The following AK4 variants were observed in gnomAD, a reference collection of about 807,000 sequenced individuals.
The protein encoded by AK4 is adenylate kinase 4, mitochondrial.
In AK4, 13 loss-of-function variants were observed where a neutral mutation model predicts 24.6. The observed-to-expected ratio is 0.53, with a 90% CI of 0.34 to 0.84. The LOEUF (loss-of-function observed/expected upper bound fraction) is 0.84, where lower values mean the gene tolerates loss of function less well. Among genes scored for constraint, AK4 ranks in the 40% least tolerant of loss-of-function variants. The pLI, the probability that AK4 is intolerant of heterozygous loss-of-function variation, is 0.01. For synonymous variants in AK4, 88 were observed against 107.0 expected (o/e 0.82, Z 1.10); for missense variants, 192 against 288.2 (o/e 0.67, Z 2.42).
chr1:65,173,929 G>A (rs529047267), intron 1 of AK4, among the ~76,000 whole-genome samples: 31 of 152,006 alleles, frequency 2.0e-4, no homozygotes, highest in African/African-American at 6.8e-4. Context: ...GGGGATTAGA[G>A]TCTGGCACAA....
In AK4 at chr1:65,179,385, G is replaced by A. The variant is rs567791934; in HGVS notation, c.146-11325G>A. Among the ~76,000 whole-genome samples, 18 of 152,320 alleles carry A rather than the reference G, an allele frequency of 1.2e-4. No individual in the cohort carries two copies. The South Asian group carries it at 3.5e-3, about 30-fold the overall frequency. Reference sequence around the variant, plus strand: ...TAAGAAAATGGACTGGGGCCAACTTGCTTGAAGTTGAGTCTGGGCTGTATG... The same window carrying A: ...TAAGAAAATGGACTGGGGCCAACTTACTTGAAGTTGAGTCTGGGCTGTATG... On this transcript the variant is annotated intron_variant, in intron 1 of 4. Transcript: ENST00000327299.
At chr1:65,187,313 A>C in intron 1 of AK4, among the ~76,000 whole-genome samples, 1 of 142,250 alleles carries the variant, frequency 7.0e-6, no homozygotes, top group African/African-American at 2.7e-5. Context: ...GCGCCACTGC[A>C]CTCCAGCGTG....
chr1:65,205,075 C>T (rs966621009), intron 2 of AK4, among the ~76,000 whole-genome samples: 2 of 151,946 alleles, frequency 1.3e-5, no homozygotes, highest in Non-Finnish European at 2.9e-5. Context: ...ATATTTTTTT[C>T]GTCCCTCCCT....
chr1:65,154,595 GC>G, intron 1 of AK4: 1 of 512,214 alleles, frequency 2.0e-6, no homozygotes, highest in Non-Finnish European at 3.9e-6. Flanking sequence ...CTCAATACGT[GC>G]TGCCAGTGTT....
chr1:65,194,981 T>C (rs1557456642), intron 2 of AK4, among the ~76,000 whole-genome samples: 1 of 152,222 alleles, frequency 6.6e-6, no homozygotes, highest in Non-Finnish European at 1.5e-5. Context: ...TTGGTATCCA[T>C]TTTTTGTCTT....
chr1:65,206,114 T>G (rs1160661629), intron 2 of AK4, among the ~76,000 whole-genome samples: 1 of 152,184 alleles, frequency 6.6e-6, no homozygotes, highest in African/African-American at 2.4e-5. Flanking sequence ...TAATGTGACA[T>G]TATGTATTTA....
At chr1:65,171,025 A>G (rs1197435183) in intron 1 of AK4, among the ~76,000 whole-genome samples, 1 of 140,676 alleles carries the variant, frequency 7.1e-6, no homozygotes, top group African/African-American at 2.7e-5. Context: ...TGGCACGATC[A>G]TGGCTTACTG....
At chr1:65,147,715 C>G (rs1204035785), upstream of AK4, 1 of 151,822 alleles carries the variant, frequency 6.6e-6, no homozygotes, top group Non-Finnish European at 1.5e-5. Context: ...GGCTCGGGCT[C>G]GTCGCGCGCC....
rs1652407845 is a variant in AK4, at chr1:65,224,888, T to A, written c.557+18T>A. ...TTATACAAGTGAGTGTGCTTCAATA[T>A]TTTCATGACAAAGGACAGACTGGAA... On this transcript the variant is annotated intron_variant, in intron 4 of 4. Transcript: ENST00000327299. The A allele has an allele frequency of 1.3e-6, 2 of 1,589,402 alleles. No homozygotes were observed. The highest frequency in any genetic ancestry group is 1.3e-5 in the African/African-American group (1 of 74,466).
rs1652603428 is a variant in AK4, at chr1:65,230,328, A to C, written c.*4151A>C. 1 of 152,176 alleles carries C rather than the reference A, an allele frequency of 6.6e-6. No homozygotes were observed. The highest frequency in any genetic ancestry group is 2.4e-5 in the African/African-American group (1 of 41,436). The allele number at this position is 152,176 out of a possible 1,614,324, so 9.4% of individuals were successfully genotyped here. A position where few individuals can be genotyped will look rare whatever the true frequency, so the allele number is the denominator to read the frequency against. ...GTTGAGACCGGATAACTTTAGAAAG[A>C]TACCTGCACAAACCCATAAATAGTG... is the stretch of plus-strand genomic sequence containing the variant. On this transcript the variant is annotated 3_prime_UTR_variant, in exon 5 of 5. Coordinates refer to ENST00000327299, the MANE Select transcript of AK4 (RefSeq NM_013410.4).
chr1:65,203,203 C>A (rs1162693706), intron 2 of AK4, among the ~76,000 whole-genome samples: 1 of 152,050 alleles, frequency 6.6e-6, no homozygotes, highest in Non-Finnish European at 1.5e-5. Flanking sequence ...AGTTTTCTTT[C>A]TTGGATTCTT....
At chr1:65,167,565 G>A (rs116176326) in intron 1 of AK4, among the ~76,000 whole-genome samples, 28 of 150,796 alleles carry the variant, frequency 1.9e-4, no homozygotes, top group East Asian at 1.2e-3. Flanking sequence ...TCTCCTTTCC[G>A]TGGAGCTCAG....
At chr1:65,196,160 C>G (rs909397903) in intron 2 of AK4, among the ~76,000 whole-genome samples, 4 of 152,170 alleles carry the variant, frequency 2.6e-5, no homozygotes, top group Non-Finnish European at 4.4e-5. Context: ...GTTACACAGG[C>G]ACATGCTCTG....
intron 1 of AK4, among the ~76,000 whole-genome samples, chr1:65,185,624 C>CTTTT (rs35079324): frequency 4.4e-5 from 6 of 136,208 alleles, no homozygotes; most frequent in African/African-American, 1.6e-4. Flanking sequence ...ATATGACCAT[C>CTTTT]TTTTTTTTTT....
chr1:65,187,617 A>G (rs1330526294), intron 1 of AK4, among the ~76,000 whole-genome samples: 1 of 152,218 alleles, frequency 6.6e-6, no homozygotes, highest in African/African-American at 2.4e-5. Flanking sequence ...TCATAAAAAA[A>G]TGCTGGGATT....
In AK4 at chr1:65,215,258, G is replaced by A. The variant is rs144622882; in HGVS notation, c.266-3496G>A. 2.8e-3 allele frequency among the ~76,000 whole-genome samples: 420 copies of A among 151,132 alleles called. 1 individual carries two copies. The highest frequency in any genetic ancestry group is 9.0e-3 in the African/African-American group (372 of 41,140). On this transcript the variant is annotated intron_variant, in intron 2 of 4. Coordinates refer to ENST00000327299, the MANE Select transcript of AK4 (RefSeq NM_013410.4). Reference sequence around the variant, plus strand: ...ACGATCTCTACTCACTGCAATCTCCGCCTCCCGGGTTTCATTGATTCTCCT... The same window carrying A: ...ACGATCTCTACTCACTGCAATCTCCACCTCCCGGGTTTCATTGATTCTCCT...
intron 2 of AK4, among the ~76,000 whole-genome samples, chr1:65,200,646 C>G (rs12060525): frequency 6.6e-6 from 1 of 152,058 alleles, no homozygotes; most frequent in South Asian, 2.1e-4. Flanking sequence ...CCCAGGTGAT[C>G]GCATGCATTT....
intron 2 of AK4, among the ~76,000 whole-genome samples, chr1:65,206,477 G>A (rs1023861305): frequency 6.6e-6 from 1 of 152,210 alleles, no homozygotes; most frequent in East Asian, 1.9e-4. Context: ...GGCCGGACGC[G>A]GTGGCTTGTG....
chr1:65,207,758 A>G (rs1465478588), intron 2 of AK4, among the ~76,000 whole-genome samples: 1 of 152,068 alleles, frequency 6.6e-6, no homozygotes, highest in African/African-American at 2.4e-5. Flanking sequence ...TGTGTATTCA[A>G]TGATTAGCTA....
Sources: allele counts gnomAD v4.1 joint callset (sites outside exome capture counted in the v4.1 genomes callset), GRCh38; gene constraint gnomAD v4.1.1; transcripts MANE v1.5; gene names NCBI Gene and HGNC (gene_info 2026-07-23, HGNC 2026-07-21).